TSHR: variants seen among roughly 807,000 people sequenced by gnomAD.
The protein encoded by TSHR is thyroid stimulating hormone receptor, also known as thyrotropin receptor.
A neutral mutation model predicts 64.1 loss-of-function variants in TSHR; 51 were observed. That is an observed-to-expected ratio of 0.80 (90% CI 0.64 to 1.01). The LOEUF is 1.01. Among genes scored for constraint, TSHR ranks in the 50% least tolerant of loss-of-function variants. The pLI is 0.00. For synonymous variants in TSHR, 361 were observed against 361.9 expected (o/e 1.00, Z 0.03); for missense variants, 877 against 942.8 (o/e 0.93, Z 0.91).
At chr14:81,037,892 C>A (rs180986923) in intron 1 of TSHR, among the ~76,000 whole-genome samples, 1 of 149,392 alleles carries the variant, frequency 6.7e-6, no homozygotes, top group Non-Finnish European at 1.5e-5. Context: ...ATTTCAACAC[C>A]CTACTTTCAG....
intron 8 of TSHR, among the ~76,000 whole-genome samples, chr14:81,118,484 T>G (rs1011950372): frequency 6.8e-6 from 1 of 148,098 alleles, no homozygotes; most frequent in African/African-American, 2.6e-5. Context: ...GTGAAGGACC[T>G]CTTCAAGGAG....
At position 81,145,480 on chromosome 14, in the gene TSHR, T is replaced by C. The variant is rs1032000339; in HGVS notation, c.*1127T>C. On this transcript the variant is annotated 3_prime_UTR_variant, in exon 10 of 10. Coordinates refer to ENST00000298171, the MANE Select transcript of TSHR (RefSeq NM_000369.5). ...ACTCGCCTGGATCTGAATCATTCAT[T>C]TAATTACTAGATCTACCCAGCTGTT... 2 of 217,696 alleles carry C rather than the reference T, an allele frequency of 9.2e-6. No homozygotes were observed. The highest frequency in any genetic ancestry group is 5.0e-5 in the African/African-American group (2 of 39,668). The allele number at this position is 217,696 out of a possible 1,614,324, so 13.5% of individuals were successfully genotyped here.
intron 7 of TSHR, chr14:81,104,093 C>T: frequency 1.0e-6 from 1 of 985,408 alleles, no homozygotes; most frequent in Non-Finnish European, 1.2e-6. Context: ...ATTTGAACAG[C>T]TTGTAGGATA....
At chr14:81,079,810 C>T (rs1470262826) in intron 3 of TSHR, among the ~76,000 whole-genome samples, 1 of 149,482 alleles carries the variant, frequency 6.7e-6, no homozygotes, top group Admixed American at 6.7e-5. Flanking sequence ...GAGTCATGAT[C>T]GTGCTACACA....
At chr14:81,019,497 A>T (rs189587891) in intron 1 of TSHR, among the ~76,000 whole-genome samples, 2 of 144,670 alleles carry the variant, frequency 1.4e-5, no homozygotes, top group East Asian at 4.0e-4. Context: ...TCTGAGGTAC[A>T]TGTGCAGAAT....
At chr14:81,010,211 G>T (rs868166413) in intron 1 of TSHR, among the ~76,000 whole-genome samples, 48 of 151,902 alleles carry the variant, frequency 3.2e-4, no homozygotes, top group African/African-American at 1.0e-3. Flanking sequence ...TATATATCTT[G>T]GGTATTAATG....
chr14:81,007,846 G>C (rs1384052976), intron 1 of TSHR, among the ~76,000 whole-genome samples: 1 of 152,184 alleles, frequency 6.6e-6, no homozygotes, highest in Non-Finnish European at 1.5e-5. Context: ...GAGAGAGCAG[G>C]ATCACTTAGG....
chr14:81,001,440 T>G (rs762621821), intron 1 of TSHR: 11 of 478,000 alleles, frequency 2.3e-5, no homozygotes, highest in Non-Finnish European at 4.6e-5. Context: ...CTTAGGTGCT[T>G]TATTTACCTG....
At chr14:81,128,246 AG>A (rs879659750) in intron 8 of TSHR, among the ~76,000 whole-genome samples, 16 of 152,184 alleles carry the variant, frequency 1.1e-4, no homozygotes, top group Non-Finnish European at 2.4e-4. Context: ...CTTTACAGAT[AG>A]TCTATCACTT....
At chr14:80,972,541 T>C (rs1887635687) in intron 1 of TSHR, among the ~76,000 whole-genome samples, 2 of 152,198 alleles carry the variant, frequency 1.3e-5, no homozygotes, top group African/African-American at 2.4e-5. Context: ...TACTATTCCA[T>C]AGCTATCTTC....
intron 1 of TSHR, among the ~76,000 whole-genome samples, chr14:80,998,280 T>C (rs144107860): frequency 6.6e-6 from 1 of 152,256 alleles, no homozygotes; most frequent in Non-Finnish European, 1.5e-5. Flanking sequence ...ATCATTCATA[T>C]GTTAGATTTC....
intron 8 of TSHR, among the ~76,000 whole-genome samples, chr14:81,126,873 C>G (rs930859911): frequency 2.6e-5 from 4 of 152,198 alleles, no homozygotes; most frequent in Admixed American, 6.5e-5. Context: ...TTTCAGCCTT[C>G]CAACCCCAAA....
chr14:80,961,861 TAATA>T (rs1264776301), intron 1 of TSHR, among the ~76,000 whole-genome samples: 2 of 152,232 alleles, frequency 1.3e-5, no homozygotes, highest in South Asian at 2.1e-4. Context: ...TTTAATCAAA[TAATA>T]AATAATTTAA....
At chr14:81,113,547 C>A (rs139198695) in intron 8 of TSHR, among the ~76,000 whole-genome samples, 2 of 152,006 alleles carry the variant, frequency 1.3e-5, no homozygotes, top group East Asian at 3.9e-4. Flanking sequence ...GACTTCTGAA[C>A]TTTCCCCACC....
intron 1 of TSHR, among the ~76,000 whole-genome samples, chr14:80,966,912 C>T (rs1887341305): frequency 6.6e-6 from 1 of 152,154 alleles, no homozygotes; most frequent in Non-Finnish European, 1.5e-5. Flanking sequence ...AAGCCAAGCT[C>T]ACCTCTCTTG....
chr14:81,064,399 G>C lies in TSHR; in HGVS notation c.242+2180G>C, dbSNP rs377338551. Among the ~76,000 whole-genome samples the C allele has an allele frequency of 4.4e-4, 67 of 152,272 alleles. No individual in the cohort carries two copies. In the South Asian group the frequency reaches 0.013, roughly 30 times the overall value. On this transcript the variant is annotated intron_variant, in intron 2 of 9. Transcript: ENST00000298171. Reference sequence around the variant, plus strand: ...TATATTTGCTGTGGAGGGTCAGGGGGTATGTTAGGAATTCAATTTGGGGCA... The same window carrying C: ...TATATTTGCTGTGGAGGGTCAGGGGCTATGTTAGGAATTCAATTTGGGGCA...
intron 1 of TSHR, among the ~76,000 whole-genome samples, chr14:81,056,268 CT>C (rs1885790025): frequency 6.6e-6 from 1 of 152,114 alleles, no homozygotes; most frequent in South Asian, 2.1e-4. Context: ...ACCTCTTTTT[CT>C]TCGCAGTCTC....
chr14:80,995,478 T>A (rs1037096566), intron 1 of TSHR: 1 of 152,124 alleles, frequency 6.6e-6, no homozygotes, highest in Non-Finnish European at 1.5e-5. Flanking sequence ...ACATATACAC[T>A]ATGGAATACT....
intron 8 of TSHR, among the ~76,000 whole-genome samples, chr14:81,120,940 T>C (rs1890763710): frequency 2.0e-5 from 3 of 151,748 alleles, no homozygotes. Context: ...ACCAAAAAAG[T>C]AAGCAGAAGT....
Sources: gnomAD v4.1 joint callset for allele counts (sites outside exome capture counted in the v4.1 genomes callset) on GRCh38, gnomAD v4.1.1 for gene constraint, MANE v1.5 for transcripts, NCBI Gene and HGNC (gene_info 2026-07-23, HGNC 2026-07-21) for gene names.